The following FAT3 variants were observed in gnomAD, a reference collection of about 807,000 sequenced individuals.
FAT3 encodes FAT atypical cadherin 3, also known as protocadherin Fat 3.
In FAT3, 95 loss-of-function variants were observed where a neutral mutation model predicts 310.2. The observed-to-expected ratio is 0.31, with a 90% confidence interval of 0.26 to 0.36. The LOEUF (loss-of-function observed/expected upper bound fraction) is 0.36, where lower values mean the gene tolerates loss of function less well. FAT3 is among the 10% of genes least tolerant of loss of function. The pLI is 1.00. For synonymous variants in FAT3, 2,314 were observed against 2,192.9 expected (o/e 1.06, Z -1.54); for missense variants, 5,408 against 5,715.6 (o/e 0.95, Z 1.74).
chr11:92,801,173 T>C lies in FAT3; in HGVS notation c.8160T>C (p.Asp2720=), dbSNP rs1158681320. The stretch of plus-strand genomic sequence containing the variant: ...AGTATTCCTTTACCATTGCAGAAGA[T>C]ACAGCCATTGGGAGTACAGTGGACA... ...QSQYSFTIAE[D]TAIGSTVDTL... Residue 2720 remains aspartate, a synonymous_variant, in exon 10 of 28, where the codon GAT becomes GAC. Coordinates refer to ENST00000525166, the MANE Select transcript of FAT3 (RefSeq NM_001367949.2). 1 of 1,613,946 alleles carries C rather than the reference T, an allele frequency of 6.2e-7. No individual in the cohort carries two copies. The highest frequency in any genetic ancestry group is 8.5e-7 in the Non-Finnish European group (1 of 1,179,868).
At chr11:92,433,243 G>A (rs1167373484) in intron 2 of FAT3, among the ~76,000 whole-genome samples, 3 of 152,096 alleles carry the variant, frequency 2.0e-5, no homozygotes, top group Non-Finnish European at 2.9e-5. Flanking sequence ...GGGAGTGAAC[G>A]GTTCTGTCTC....
intron 2 of FAT3, among the ~76,000 whole-genome samples, chr11:92,385,569 T>C (rs1949597858): frequency 6.6e-6 from 1 of 151,990 alleles, no homozygotes; most frequent in Admixed American, 6.6e-5. Context: ...AGTTTTGCCA[T>C]GTTTGCCAGG....
intron 2 of FAT3, among the ~76,000 whole-genome samples, chr11:92,496,304 A>AT (rs1952761040): frequency 6.6e-6 from 1 of 152,044 alleles, no homozygotes; most frequent in Non-Finnish European, 1.5e-5. Context: ...TGAATACAAT[A>AT]TAGTGTCATA....
chr11:92,486,142 T>TTG (rs1952387492), intron 2 of FAT3, among the ~76,000 whole-genome samples: 1 of 138,786 alleles, frequency 7.2e-6, no homozygotes, highest in Non-Finnish European at 1.6e-5. Flanking sequence ...TTTTTTTTTT[T>TTG]TTTTTTTTTT....
chr11:92,545,078 T>C (rs1463500753), intron 3 of FAT3, among the ~76,000 whole-genome samples: 1 of 152,118 alleles, frequency 6.6e-6, no homozygotes, highest in Non-Finnish European at 1.5e-5. Context: ...CACTCCTCTT[T>C]GCCCTCCTCA....
chr11:92,439,487 A>G (rs895306462), intron 2 of FAT3, among the ~76,000 whole-genome samples: 1 of 152,178 alleles, frequency 6.6e-6, no homozygotes, highest in African/African-American at 2.4e-5. Flanking sequence ...ATGAATGTCT[A>G]CCACAGAGAA....
chr11:92,562,340 G>C (rs1340965694), intron 3 of FAT3, among the ~76,000 whole-genome samples: 3 of 151,866 alleles, frequency 2.0e-5, no homozygotes, highest in African/African-American at 7.3e-5. Flanking sequence ...TCTACATTCT[G>C]TTTCTCACGT....
Position 92,801,796 on chromosome 11 carries a change from T to C in FAT3, c.8783T>C (p.Val2928Ala). 1.9e-6 allele frequency: 3 copies of C among 1,613,860 alleles called. No individual in the cohort carries two copies. The highest frequency in any genetic ancestry group is 2.5e-6 in the Non-Finnish European group (3 of 1,179,844). ...AATGCACCAGTCTTCGCGCAGGAAG[T>C]GTACCGAGGGAATGTGAAGGAGAGC... ...NDNAPVFAQE[V>A]YRGNVKESDP... The change falls in exon 10 of 28, where the codon GTG (valine) becomes GCG (alanine). Residue 2928 changes from valine to alanine, a missense_variant. Physicochemically the swap from Val to Ala is moderately conservative, Grantham distance 64. Around this residue, in one of 5 missense-constraint regions of FAT3, gnomAD observed 4,588 missense variants for 4,809.8 expected, o/e 0.95. Coordinates refer to ENST00000525166, the MANE Select transcript of FAT3 (RefSeq NM_001367949.2).
intron 6 of FAT3, among the ~76,000 whole-genome samples, chr11:92,772,385 A>AAG (rs2136111851): frequency 6.6e-6 from 1 of 152,098 alleles, no homozygotes; most frequent in African/African-American, 2.4e-5. Context: ...TTTGCTCATG[A>AAG]AGATGGTTTT....
chr11:92,339,495 A>C (rs1342867149), intron 1 of FAT3, among the ~76,000 whole-genome samples: 1 of 152,246 alleles, frequency 6.6e-6, no homozygotes, highest in Non-Finnish European at 1.5e-5. Flanking sequence ...CGTTCGGTTT[A>C]TAGTCAAGTT....
At chr11:92,241,720 ATTAT>A (rs1312986212) in intron 1 of FAT3, among the ~76,000 whole-genome samples, 1 of 152,028 alleles carries the variant, frequency 6.6e-6, no homozygotes, top group Non-Finnish European at 1.5e-5. Context: ...GTTAAAGGGT[ATTAT>A]TTATTTATCA....
intron 1 of FAT3, among the ~76,000 whole-genome samples, chr11:92,279,563 C>T (rs925964915): frequency 6.6e-6 from 1 of 152,036 alleles, no homozygotes; most frequent in East Asian, 1.9e-4. Flanking sequence ...CTTTGTTCAT[C>T]GATACATAAT....
At position 92,634,680 on chromosome 11, in the gene FAT3, C is replaced by T. The variant is rs998482318; in HGVS notation, c.3608-62704C>T. Among the ~76,000 whole-genome samples, 6 of 152,278 alleles carry T rather than the reference C, an allele frequency of 3.9e-5. No individual in the cohort carries two copies. The East Asian group carries it at 1.2e-3, about 29-fold the overall frequency. On this transcript the variant is annotated intron_variant, in intron 3 of 27. Transcript: ENST00000525166. ...CACACTTTGAGGACCTGGCTCTCCACACAGCACAGGAACATATGAGCATTG... is the reference window on the plus strand; with the variant it reads ...CACACTTTGAGGACCTGGCTCTCCATACAGCACAGGAACATATGAGCATTG...
At chr11:92,644,857 A>G (rs1942093223) in intron 3 of FAT3, among the ~76,000 whole-genome samples, 1 of 152,184 alleles carries the variant, frequency 6.6e-6, no homozygotes, top group African/African-American at 2.4e-5. Context: ...TTATGTCTCC[A>G]TGTAGTGATT....
At position 92,354,172 on chromosome 11, in the gene FAT3, G is replaced by T; in HGVS notation, c.2060G>T (p.Arg687Leu). The T allele has an allele frequency of 6.2e-7, 1 of 1,613,854 alleles. No individual in the cohort carries two copies. Among genetic ancestry groups the T allele is most frequent in the Non-Finnish European group, 8.5e-7 (1 of 1,179,850 alleles). ...SSKSFSCRET[R>L]VAQKLAEKLL... is the part of the protein sequence containing the mutation. ...AAGAGCTTCAGTTGCAGAGAAACTC[G>T]TGTGGCTCAAAAGCTGGCAGAGAAA... Residue 687 changes from arginine to leucine, a missense_variant, in exon 2 of 28, where the codon CGT becomes CTT. Coordinates refer to ENST00000525166, the MANE Select transcript of FAT3 (RefSeq NM_001367949.2).
chr11:92,881,004 T>G (rs908768935), intron 23 of FAT3, 120 bp downstream of exon 23: 2 of 1,090,874 alleles, frequency 1.8e-6, no homozygotes, highest in Non-Finnish European at 2.7e-6. Flanking sequence ...GGTTAACATC[T>G]GCACGATACG....
chr11:92,841,453 G>A (rs1484150420), intron 18 of FAT3, among the ~76,000 whole-genome samples: 1 of 152,176 alleles, frequency 6.6e-6, no homozygotes, highest in Non-Finnish European at 1.5e-5. Flanking sequence ...ATTGGTATTG[G>A]TATAGCATTG....
rs182480681 is a variant in FAT3, at chr11:92,796,380, T to C, written c.4823-1456T>C. Among the ~76,000 whole-genome samples, 8 of 152,328 alleles carry C rather than the reference T, an allele frequency of 5.3e-5. No homozygotes were observed. In the East Asian group the frequency reaches 1.2e-3, roughly 22 times the overall value. On this transcript the variant is annotated intron_variant, in intron 9 of 27. Coordinates refer to ENST00000525166, the MANE Select transcript of FAT3 (RefSeq NM_001367949.2). ...GAATCAAAATGACCTCTTTATTAGA[T>C]ATACTTTGTCTTTTAAAATAAGCAA... is the stretch of plus-strand genomic sequence containing the variant.
At chr11:92,414,894 C>T (rs937133058) in intron 2 of FAT3, among the ~76,000 whole-genome samples, 3 of 151,934 alleles carry the variant, frequency 2.0e-5, no homozygotes, top group Non-Finnish European at 4.4e-5. Context: ...CCTGTAGTCC[C>T]AGCTACTCCG....
Sources: allele counts gnomAD v4.1 joint callset (sites outside exome capture counted in the v4.1 genomes callset), GRCh38; gene constraint gnomAD v4.1.1; regional missense constraint gnomAD v4.1.1; transcripts MANE v1.5; gene names NCBI Gene and HGNC (gene_info 2026-07-23, HGNC 2026-07-21).